The following DAB1 variants were observed in gnomAD, a reference collection of about 807,000 sequenced individuals.
DAB1 encodes the protein disabled homolog 1.
Under a neutral mutation model 64.6 loss-of-function variants are expected in DAB1, and 15 were observed. That is an observed-to-expected ratio of 0.23 (90% confidence interval 0.16 to 0.36). The LOEUF is 0.36. Ranked by LOEUF, DAB1 falls within the 10% of genes least tolerant of loss-of-function variation. The pLI is 1.00. For synonymous variants in DAB1, 235 were observed against 251.9 expected (o/e 0.93, Z 0.64); for missense variants, 596 against 706.7 (o/e 0.84, Z 1.78).
intron 2 of DAB1, among the ~76,000 whole-genome samples, chr1:57,232,047 T>G (rs1419531859): frequency 6.6e-6 from 1 of 152,220 alleles, no homozygotes; most frequent in Non-Finnish European, 1.5e-5. Context: ...TCTTGGTAGC[T>G]TAAACCTGAG....
At chr1:57,142,633 C>CACACAT (rs1658725298) in intron 3 of DAB1, among the ~76,000 whole-genome samples, 1 of 118,414 alleles carries the variant, frequency 8.4e-6, no homozygotes, top group African/African-American at 2.8e-5. Context: ...CACACACATA[C>CACACAT]ACACACACAC....
At chr1:57,906,490 G>T (rs1328710467) in intron 5 of DAB1, among the ~76,000 whole-genome samples, 1 of 152,126 alleles carries the variant, frequency 6.6e-6, no homozygotes, top group East Asian at 1.9e-4. Context: ...AGATGAAGGT[G>T]TGTGGTCATG....
In DAB1 at chr1:57,150,831, C is replaced by T. The variant is rs954680243; in HGVS notation, c.68-5402G>A. 7.9e-5 allele frequency among the ~76,000 whole-genome samples: 12 copies of T among 152,120 alleles called. No homozygotes were observed. In the East Asian group the frequency reaches 2.1e-3, roughly 27 times the overall value. The stretch of plus-strand genomic sequence containing the variant: ...TAGACTGTTTAGCAATCCTAATTAT[C>T]TTCTGGAATCACCTTGGGAATTTTT... On this transcript the variant is annotated intron_variant, in intron 2 of 14. Coordinates refer to ENST00000371236, the MANE Select transcript of DAB1 (RefSeq NM_001365792.1).
At chr1:58,377,424 C>T (rs1370586620) in intron 3 of DAB1, among the ~76,000 whole-genome samples, 37 of 140,210 alleles carry the variant, frequency 2.6e-4, no homozygotes, top group African/African-American at 9.9e-4. Flanking sequence ...TATTTTATTT[C>T]TCCTTCACTT....
At chr1:57,964,188 A>G (rs141975646) in intron 5 of DAB1, among the ~76,000 whole-genome samples, 1 of 152,304 alleles carries the variant, frequency 6.6e-6, no homozygotes, top group Non-Finnish European at 1.5e-5. Flanking sequence ...CTTGCCCCGC[A>G]GGGTCTGTCT....
At chr1:57,230,851 T>C (rs2100428918) in intron 2 of DAB1, among the ~76,000 whole-genome samples, 1 of 152,282 alleles carries the variant, frequency 6.6e-6, no homozygotes. Context: ...GGTAACTTCG[T>C]GAAGTCACTT....
At chr1:57,143,249 C>A (rs764150787) in intron 3 of DAB1, among the ~76,000 whole-genome samples, 3 of 152,150 alleles carry the variant, frequency 2.0e-5, no homozygotes, top group Non-Finnish European at 4.4e-5. Flanking sequence ...AGTGGAATAG[C>A]TCATCTCATT....
rs189811621 is a variant in DAB1, at chr1:58,291,137, T to C, written n.309+52215A>G. 4.6e-5 allele frequency among the ~76,000 whole-genome samples: 7 copies of C among 152,314 alleles called. No individual in the cohort carries two copies. In the East Asian group the frequency reaches 1.3e-3, roughly 29 times the overall value. The stretch of plus-strand genomic sequence containing the variant: ...TAGCAACATGTCCTCGACATCGTAA[T>C]ACAGATGCTGTAATCATACAAGGCT... On this transcript the variant is annotated intron_variant and non_coding_transcript_variant, in intron 4 of 20. Coordinates refer to the DAB1 transcript ENST00000485760.
chr1:57,502,384 A>G (rs1332968929), intron 7 of DAB1, among the ~76,000 whole-genome samples: 1 of 152,084 alleles, frequency 6.6e-6, no homozygotes, highest in Non-Finnish European at 1.5e-5. Context: ...CAATTGTGGA[A>G]AATTTAATCT....
intron 2 of DAB1, among the ~76,000 whole-genome samples, chr1:57,166,788 T>C (rs1661247205): frequency 6.6e-6 from 1 of 152,208 alleles, no homozygotes. Flanking sequence ...TGCCACATTA[T>C]TGGGCACCCA....
At chr1:57,104,911 C>T (rs1655003775) in intron 4 of DAB1, among the ~76,000 whole-genome samples, 1 of 152,152 alleles carries the variant, frequency 6.6e-6, no homozygotes, top group African/African-American at 2.4e-5. Context: ...GGCCCCCCTT[C>T]CAGTCCTAGG....
At chr1:58,002,936 T>C (rs1025333199) in intron 5 of DAB1, among the ~76,000 whole-genome samples, 5 of 152,316 alleles carry the variant, frequency 3.3e-5, no homozygotes, top group African/African-American at 1.2e-4. Flanking sequence ...CTATCTGTTA[T>C]ACAGGTTTAT....
At chr1:57,102,539 T>C (rs1654773776) in intron 4 of DAB1, among the ~76,000 whole-genome samples, 1 of 152,218 alleles carries the variant, frequency 6.6e-6, no homozygotes, top group Admixed American at 6.5e-5. Context: ...ACTCACAGAT[T>C]GAGCGCCAGG....
In DAB1 at chr1:58,378,914, C is replaced by T; in HGVS notation, n.258-35511G>A. ...GTTTTTTAAGCCCGTCGGAAAAGCG[C>T]AATATTCGGGTGGGAGTGACCCGAT... On this transcript the variant is annotated intron_variant and non_coding_transcript_variant, in intron 3 of 20. Coordinates refer to the DAB1 transcript ENST00000485760. Among the ~76,000 whole-genome samples the T allele has an allele frequency of 2.7e-5, 2 of 73,692 alleles. 1 individual carries two copies. Among genetic ancestry groups the T allele is most frequent in the Admixed American group, 1.9e-4 (2 of 10,388 alleles). The allele number at this position is 73,692 out of a possible 152,430, so 48.3% of individuals were successfully genotyped here.
chr1:57,795,522 G>A (rs1053689741), intron 6 of DAB1, among the ~76,000 whole-genome samples: 1 of 151,544 alleles, frequency 6.6e-6, no homozygotes, highest in African/African-American at 2.4e-5. Flanking sequence ...AAGTACCAAA[G>A]AAGTGTAATT....
At chr1:57,594,802 C>T (rs954728874) in intron 7 of DAB1, among the ~76,000 whole-genome samples, 18 of 152,180 alleles carry the variant, frequency 1.2e-4, no homozygotes, top group Non-Finnish European at 2.1e-4. Flanking sequence ...GCTCCGCCTC[C>T]CGGGTTCACG....
intron 4 of DAB1, among the ~76,000 whole-genome samples, chr1:58,296,021 A>G (rs11579843): frequency 0.65 from 93,478 of 144,430 alleles, 31,836 homozygotes; most frequent in East Asian, 0.85. Flanking sequence ...TGAACCCCAG[A>G]GGTGGAGGTT....
chr1:57,678,194 A>G (rs1646590840), intron 6 of DAB1, among the ~76,000 whole-genome samples: 1 of 152,042 alleles, frequency 6.6e-6, no homozygotes, highest in Non-Finnish European at 1.5e-5. Flanking sequence ...AGAGGCACAT[A>G]TGGGCAACAT....
At chr1:57,907,922 TACACAC>T (rs372543898) in intron 5 of DAB1, among the ~76,000 whole-genome samples, 3 of 145,454 alleles carry the variant, frequency 2.1e-5, no homozygotes, top group Non-Finnish European at 4.5e-5. Flanking sequence ...AATATATATA[TACACAC>T]ACACACACAC....
Sources: gnomAD v4.1 joint callset for allele counts (sites outside exome capture counted in the v4.1 genomes callset) on GRCh38, gnomAD v4.1.1 for gene constraint, MANE v1.5 for transcripts, NCBI Gene and HGNC (gene_info 2026-07-23, HGNC 2026-07-21) for gene names.